Variants in PCDHGA5 observed in about 807,000 individuals in gnomAD.
PCDHGA5 encodes the protein protocadherin gamma subfamily A, 5, also known as protocadherin gamma-A5.
In PCDHGA5, 36 loss-of-function variants were observed where a neutral mutation model predicts 56.7. The ratio of observed to expected loss-of-function variants is 0.64; its 90% CI spans 0.49 to 0.84. The LOEUF (loss-of-function observed/expected upper bound fraction) is 0.84, where lower values mean the gene tolerates loss of function less well. PCDHGA5 is among the 40% of genes least tolerant of loss of function. PCDHGA5 has a pLI of 0.00. For missense variants in PCDHGA5, 1,305 were observed against 1,201.5 expected, an observed-to-expected ratio of 1.09 and a Z score of -1.27; for synonymous variants, 563 against 520.2, an observed-to-expected ratio of 1.08 and a Z score of -1.12.
chr5:141,476,233 G>A lies in PCDHGA5; in HGVS notation c.2422-18574G>A, dbSNP rs1162067190. ...CGGTCATTCACTATGAGATCCCGGA[G>A]GAAAGAGAGAAGGGTTTCGCTGTGG... On this transcript the variant is annotated intron_variant, in intron 1 of 3. Coordinates refer to ENST00000518069, the MANE Select transcript of PCDHGA5 (RefSeq NM_018918.3). The surrounding 1 kb of genome is among the most constrained non-coding windows in gnomAD (Gnocchi z 7.6). The A allele has an allele frequency of 3.1e-6, 5 of 1,613,996 alleles. No homozygotes were observed. Among genetic ancestry groups the A allele is most frequent in the African/African-American group, 2.7e-5 (2 of 74,894 alleles).
intron 2 of PCDHGA5, among the ~76,000 whole-genome samples, chr5:141,501,287 TTA>T (rs1491235092): frequency 6.2e-5 from 6 of 96,980 alleles, no homozygotes; most frequent in African/African-American, 2.5e-4. Context: ...GGATATTCCC[TTA>T]TACACACACA....
intron 1 of PCDHGA5, chr5:141,373,780 T>A (rs1403034903): frequency 7.2e-6 from 2 of 277,114 alleles, no homozygotes; most frequent in Non-Finnish European, 1.3e-5. Flanking sequence ...CTCTGCAGAT[T>A]TAGCAGAAAT....
At chr5:141,409,529 G>T (rs2095278932) in intron 1 of PCDHGA5, 1 of 1,613,962 alleles carries the variant, frequency 6.2e-7, no homozygotes, top group Non-Finnish European at 8.5e-7. Flanking sequence ...CTTGTATGTC[G>T]CTGACATCAA....
chr5:141,370,413 T>C (rs778967972), intron 1 of PCDHGA5: 2 of 1,567,918 alleles, frequency 1.3e-6, no homozygotes, highest in South Asian at 2.4e-5. Flanking sequence ...TAGCTCCGGA[T>C]GGAGGGGCCC....
At chr5:141,433,211 T>TC in intron 1 of PCDHGA5, 1 of 1,568,160 alleles carries the variant, frequency 6.4e-7, no homozygotes, top group Non-Finnish European at 8.6e-7. Context: ...CTTCTTTCTT[T>TC]TTTTTTTTTA....
Position 141,422,132 on chromosome 5 carries a change from T to C in PCDHGA5, c.2421+55381T>C, listed in dbSNP as rs768931697. ...CAATTGGATTCACAAACTGGAGAAG[T>C]TCAAGTACGGGGGTCTCTGGATTTT... On this transcript the variant is annotated intron_variant, in intron 1 of 3. Coordinates refer to ENST00000518069, the MANE Select transcript of PCDHGA5 (RefSeq NM_018918.3). The C allele has an allele frequency of 1.2e-5, 19 of 1,598,396 alleles. No individual in the cohort carries two copies. In the South Asian group the frequency reaches 2.0e-4, roughly 17 times the overall value.
At chr5:141,395,424 T>C in intron 1 of PCDHGA5, 2 of 735,384 alleles carry the variant, frequency 2.7e-6, no homozygotes, top group Middle Eastern at 7.8e-4. Flanking sequence ...TTTCATTTGC[T>C]TTTAAACGAC....
At position 141,487,610 on chromosome 5, in the gene PCDHGA5, C is replaced by A; in HGVS notation, c.2422-7197C>A. On this transcript the variant is annotated intron_variant, in intron 1 of 3. Transcript: ENST00000518069. The surrounding 1 kb of genome is among the most constrained non-coding windows in gnomAD (Gnocchi z 5.0). ...CCCACCCTCTGATCTTCTCTATGGG[C>A]TAGAGGTGAGACCTTTGCAGGCTCA... The A allele has an allele frequency of 6.2e-7, 1 of 1,614,190 alleles. No homozygotes were observed. The highest frequency in any genetic ancestry group is 1.1e-5 in the South Asian group (1 of 91,078).
At chr5:141,398,009 C>T (rs1589315775) in intron 1 of PCDHGA5, 2 of 1,400,564 alleles carry the variant, frequency 1.4e-6, no homozygotes, top group Non-Finnish European at 1.9e-6. Flanking sequence ...GAAAAAGAAT[C>T]GTTTCCTAAA....
At chr5:141,406,421 A>G (rs981815055) in intron 1 of PCDHGA5, among the ~76,000 whole-genome samples, 2 of 152,222 alleles carry the variant, frequency 1.3e-5, no homozygotes, top group East Asian at 1.9e-4. Flanking sequence ...GAAAGCCCAG[A>G]TTTATTGCTT....
At chr5:141,422,769 T>C (rs1274700138) in intron 1 of PCDHGA5, 1 of 1,613,852 alleles carries the variant, frequency 6.2e-7, no homozygotes, top group Admixed American at 1.7e-5. Context: ...ACACTGGTGT[T>C]CTCTATGCCC....
chr5:141,400,656 A>G (rs72790034), intron 1 of PCDHGA5: 33,230 of 1,084,006 alleles, frequency 0.031, 658 homozygotes, highest in East Asian at 0.041. Context: ...CTGTCCTACC[A>G]TTCTTTAAGA....
chr5:141,416,699 T>C (rs1232694721), intron 1 of PCDHGA5: 1 of 152,092 alleles, frequency 6.6e-6, no homozygotes, highest in Non-Finnish European at 1.5e-5. Context: ...AAACAAAGGA[T>C]CATTGGAGGT....
chr5:141,388,341 A>G, intron 1 of PCDHGA5: 1 of 1,614,036 alleles, frequency 6.2e-7, no homozygotes, highest in Non-Finnish European at 8.5e-7. Flanking sequence ...CACACGATTT[A>G]TATTAGGATC....
chr5:141,424,134 A>G (rs1255504512), intron 1 of PCDHGA5: 7 of 444,220 alleles, frequency 1.6e-5, no homozygotes, highest in Non-Finnish European at 2.2e-5. Context: ...TTGATTTAAT[A>G]GCATGCTCCC....
chr5:141,414,415 C>A (rs769791452), intron 1 of PCDHGA5: 1 of 1,613,876 alleles, frequency 6.2e-7, no homozygotes, highest in Admixed American at 1.7e-5. Context: ...ACACAGAGCC[C>A]TTGACAGGGA....
At chr5:141,376,372 G>T in intron 1 of PCDHGA5, 1 of 1,614,182 alleles carries the variant, frequency 6.2e-7, no homozygotes, top group Non-Finnish European at 8.5e-7. Flanking sequence ...CTGCAGACTC[G>T]CGTAAGAGTC....
chr5:141,492,492 G>A (rs896538392), intron 1 of PCDHGA5, among the ~76,000 whole-genome samples: 2 of 152,206 alleles, frequency 1.3e-5, no homozygotes, highest in African/African-American at 2.4e-5. Context: ...AGGACCAGGC[G>A]AGGACTCCGG....
intron 1 of PCDHGA5, chr5:141,372,532 T>C (rs2150008229): frequency 6.2e-7 from 1 of 1,614,022 alleles, no homozygotes; most frequent in South Asian, 1.1e-5. Context: ...GCAATCTCCC[T>C]GCGCCTGCGA....
Sources: allele counts gnomAD v4.1 joint callset (sites outside exome capture counted in the v4.1 genomes callset), GRCh38; gene constraint gnomAD v4.1.1; non-coding constraint Gnocchi (gnomAD v3.1); transcripts MANE v1.5; gene names NCBI Gene and HGNC (gene_info 2026-07-23, HGNC 2026-07-21).